Variants in CSMD1 observed in about 807,000 individuals in gnomAD.
CSMD1 encodes CUB and sushi domain-containing protein 1.
A neutral mutation model predicts 417.5 loss-of-function variants in CSMD1; 213 were observed. That is an observed-to-expected ratio of 0.51 (90% CI 0.46 to 0.57). The LOEUF (loss-of-function observed/expected upper bound fraction) is 0.57. Ranked by LOEUF, CSMD1 falls within the 20% of genes least tolerant of loss-of-function variation. The pLI, the probability that CSMD1 is intolerant of heterozygous loss-of-function variation, is 0.00. For missense variants in CSMD1, 6,923 were observed against 4,529.7 expected (o/e 1.53, Z -15.17); for synonymous variants, 2,862 against 1,736.8 (o/e 1.65, Z -16.11).
chr8:4,133,834 A>C (rs1803256964), intron 3 of CSMD1, among the ~76,000 whole-genome samples: 1 of 152,168 alleles, frequency 6.6e-6, no homozygotes, highest in East Asian at 1.9e-4. Context: ...TCTGAAACAC[A>C]CACCTGCTTT....
At chr8:3,706,335 C>T (rs749304723) in intron 7 of CSMD1, among the ~76,000 whole-genome samples, 3 of 152,212 alleles carry the variant, frequency 2.0e-5, no homozygotes, top group African/African-American at 4.8e-5. Flanking sequence ...GCTTGCCTGT[C>T]GCTTCAAACC....
chr8:3,019,954 C>T (rs775765747), intron 51 of CSMD1, among the ~76,000 whole-genome samples: 4 of 152,196 alleles, frequency 2.6e-5, no homozygotes, highest in Non-Finnish European at 5.9e-5. Context: ...ATTAAGAGTG[C>T]TAGGTGAGCA....
In CSMD1 at chr8:4,611,757, T is replaced by A. The variant is rs376723792; in HGVS notation, c.302+25585A>T. Among the ~76,000 whole-genome samples, 4 of 152,344 alleles carry A rather than the reference T, an allele frequency of 2.6e-5. No homozygotes were observed. The East Asian group carries it at 7.7e-4, about 29-fold the overall frequency. On this transcript the variant is annotated intron_variant, in intron 2 of 69. Coordinates refer to ENST00000635120, the MANE Select transcript of CSMD1 (RefSeq NM_033225.6). The stretch of plus-strand genomic sequence containing the variant: ...ATATTCTCATTTGTGAGTCATCTAT[T>A]CAAAATGTAGCAAAATTACTCAGTG...
intron 6 of CSMD1, among the ~76,000 whole-genome samples, chr8:3,747,795 A>G (rs1315109957): frequency 6.6e-6 from 1 of 152,128 alleles, no homozygotes; most frequent in Non-Finnish European, 1.5e-5. Context: ...GCAAAAAAAA[A>G]GTCATTGTTT....
chr8:4,356,547 A>T (rs1172489355), intron 3 of CSMD1, among the ~76,000 whole-genome samples: 1 of 152,144 alleles, frequency 6.6e-6, no homozygotes, highest in Non-Finnish European at 1.5e-5. Flanking sequence ...AGTATTTTAA[A>T]TATGTTTCAT....
intron 2 of CSMD1, among the ~76,000 whole-genome samples, chr8:4,614,587 C>A (rs1371396349): frequency 6.6e-6 from 1 of 151,994 alleles, no homozygotes; most frequent in Non-Finnish European, 1.5e-5. Context: ...AACACAGGAA[C>A]AACCAGAGGA....
At chr8:3,765,148 G>A (rs1050318669) in intron 5 of CSMD1, among the ~76,000 whole-genome samples, 1 of 152,136 alleles carries the variant, frequency 6.6e-6, no homozygotes, top group Non-Finnish European at 1.5e-5. Flanking sequence ...GAATCGATTT[G>A]TTTCTAGCCT....
rs755472225 is a variant in CSMD1, at chr8:3,108,752, G to T, written c.6609-4C>A. Reference sequence around the variant, plus strand: ...TGAGTTCTGATCGGGACCGTCCCTAGGAAAGACAGAAAGAGGTGGCTGGCT... The same window carrying T: ...TGAGTTCTGATCGGGACCGTCCCTATGAAAGACAGAAAGAGGTGGCTGGCT... On this transcript the variant is annotated splice_region_variant and splice_polypyrimidine_tract_variant and intron_variant, in intron 43 of 69. Coordinates refer to ENST00000635120, the MANE Select transcript of CSMD1 (RefSeq NM_033225.6). The T allele has an allele frequency of 6.2e-7, 1 of 1,605,576 alleles. No individual in the cohort carries two copies. The highest frequency in any genetic ancestry group is 8.5e-7 in the Non-Finnish European group (1 of 1,175,146).
At chr8:4,720,438 G>C (rs1808978793) in intron 1 of CSMD1, among the ~76,000 whole-genome samples, 1 of 151,976 alleles carries the variant, frequency 6.6e-6, no homozygotes, top group South Asian at 2.1e-4. Context: ...TGTTTTTTGA[G>C]ATGGAGTCTT....
At chr8:3,479,744 G>A (rs113361663) in intron 11 of CSMD1, among the ~76,000 whole-genome samples, 12 of 151,982 alleles carry the variant, frequency 7.9e-5, no homozygotes, top group African/African-American at 2.7e-4. Flanking sequence ...AGGAAATCAC[G>A]GCTTGAATGA....
chr8:3,458,362 A>G (rs943859524), intron 12 of CSMD1, among the ~76,000 whole-genome samples: 3 of 152,188 alleles, frequency 2.0e-5, no homozygotes, highest in African/African-American at 7.2e-5. Context: ...ATCTGTGCTT[A>G]TAATTCATTC....
At chr8:4,454,879 C>T (rs921311941) in intron 2 of CSMD1, among the ~76,000 whole-genome samples, 2 of 152,110 alleles carry the variant, frequency 1.3e-5, no homozygotes, top group African/African-American at 2.4e-5. Flanking sequence ...ATCTAAATGG[C>T]GTCCTGTGAT....
At chr8:4,756,472 T>C (rs11995543) in intron 1 of CSMD1, among the ~76,000 whole-genome samples, 42 of 152,294 alleles carry the variant, frequency 2.8e-4, no homozygotes, top group African/African-American at 9.1e-4. Context: ...GGGGAGGAAA[T>C]AAATTATATA....
Position 4,032,105 on chromosome 8 carries a change from G to A in CSMD1, c.416-6C>T, listed in dbSNP as rs369308070. ...ACAAGTGTGGCTAGGTAAAACTATTGGAAAAAGAAAAGAAAGGAGAAAAAA... is the reference window on the plus strand; with the variant it reads ...ACAAGTGTGGCTAGGTAAAACTATTAGAAAAAGAAAAGAAAGGAGAAAAAA... On this transcript the variant is annotated splice_polypyrimidine_tract_variant and splice_region_variant and intron_variant, in intron 3 of 69. Transcript: ENST00000635120. 36 of 1,580,270 alleles carry A rather than the reference G, an allele frequency of 2.3e-5. No homozygotes were observed. Among genetic ancestry groups the A allele is most frequent in the African/African-American group, 1.8e-4 (13 of 73,744 alleles).
intron 18 of CSMD1, among the ~76,000 whole-genome samples, chr8:3,381,228 A>T (rs1161771924): frequency 6.6e-6 from 1 of 152,154 alleles, no homozygotes; most frequent in African/African-American, 2.4e-5. Context: ...AAACAACTTG[A>T]CAAGCCCCAT....
chr8:4,553,290 G>C (rs749866607), intron 2 of CSMD1, among the ~76,000 whole-genome samples: 1 of 152,090 alleles, frequency 6.6e-6, no homozygotes, highest in South Asian at 2.1e-4. Flanking sequence ...CAAAGACTAA[G>C]ATTTCATATA....
chr8:4,854,248 C>G (rs1029249161), intron 1 of CSMD1, among the ~76,000 whole-genome samples: 1 of 152,080 alleles, frequency 6.6e-6, no homozygotes. Context: ...CTCTATAAGT[C>G]TTATGTTGAA....
intron 1 of CSMD1, among the ~76,000 whole-genome samples, chr8:4,882,601 G>A (rs1206554803): frequency 6.6e-6 from 1 of 151,868 alleles, no homozygotes; most frequent in Non-Finnish European, 1.5e-5. Flanking sequence ...CATAGAGAAA[G>A]ATGCAATGAG....
intron 5 of CSMD1, among the ~76,000 whole-genome samples, chr8:3,895,937 C>G (rs928661019): frequency 2.0e-5 from 3 of 152,192 alleles, no homozygotes; most frequent in Non-Finnish European, 4.4e-5. Flanking sequence ...AACCAATAGG[C>G]ACTTTAGGTC....
Sources: allele counts gnomAD v4.1 joint callset (sites outside exome capture counted in the v4.1 genomes callset), GRCh38; gene constraint gnomAD v4.1.1; transcripts MANE v1.5; gene names NCBI Gene and HGNC (gene_info 2026-07-23, HGNC 2026-07-21).